Variants in POLR1D observed in about 807,000 individuals in gnomAD.
POLR1D encodes DNA-directed RNA polymerases I and III subunit RPAC2.
POLR1D carries 8 observed loss-of-function variants against 10.8 expected under a neutral mutation model. The ratio of observed to expected loss-of-function variants is 0.74; its 90% CI spans 0.43 to 1.33. POLR1D has a LOEUF of 1.33. Ranked by LOEUF, POLR1D falls within the 40% of genes most tolerant of loss-of-function variation. The pLI, the probability that POLR1D is intolerant of heterozygous loss-of-function variation, is 0.01. For missense variants in POLR1D, 152 were observed against 161.7 expected, an observed-to-expected ratio of 0.94 and a Z score of 0.32; for synonymous variants, 54 against 57.2, an observed-to-expected ratio of 0.94 and a Z score of 0.25.
At chr13:27,650,371 G>A in intron 2 of POLR1D, 1 of 266,974 alleles carries the variant, frequency 3.7e-6, no homozygotes, top group African/African-American at 2.2e-5. Context: ...ACATAGGTTT[G>A]ATTGATGGAT....
At chr13:27,621,161 TGAG>T (rs1955909037), upstream of POLR1D, 1 of 152,072 alleles carries the variant, frequency 6.6e-6, no homozygotes, top group Non-Finnish European at 1.5e-5. Context: ...GTTCCGCAGG[TGAG>T]GAGGTTTGAG....
At chr13:27,642,380 C>T (rs1049830170) in intron 1 of POLR1D, among the ~76,000 whole-genome samples, 2 of 152,148 alleles carry the variant, frequency 1.3e-5, no homozygotes, top group Admixed American at 1.3e-4. Context: ...TGCTGTTGTG[C>T]CCCTGTTTGT....
chr13:27,639,864 T>C (rs1394482554), intron 1 of POLR1D, among the ~76,000 whole-genome samples: 1 of 152,110 alleles, frequency 6.6e-6, no homozygotes, highest in African/African-American at 2.4e-5. Flanking sequence ...ATATTGCTGC[T>C]CTCCTTGCCC....
chr13:27,633,459 A>C (rs1017222995), intron 1 of POLR1D, among the ~76,000 whole-genome samples: 4 of 152,196 alleles, frequency 2.6e-5, no homozygotes, highest in African/African-American at 9.6e-5. Flanking sequence ...GGATTGCTTA[A>C]GTTTTATTTT....
chr13:27,626,832 C>T (rs1956015142), downstream of POLR1D, among the ~76,000 whole-genome samples: 1 of 152,192 alleles, frequency 6.6e-6, no homozygotes, highest in African/African-American at 2.4e-5. Context: ...TTACAAATTG[C>T]ATATAGCTGT....
At chr13:27,644,591 C>G (rs1956202927) in intron 1 of POLR1D, among the ~76,000 whole-genome samples, 1 of 152,184 alleles carries the variant, frequency 6.6e-6, no homozygotes. Flanking sequence ...CTTAATGACT[C>G]AGCTCTCTTG....
chr13:27,650,062 C>G (rs747115559), intron 2 of POLR1D: 1 of 398,438 alleles, frequency 2.5e-6, no homozygotes, highest in Non-Finnish European at 4.4e-6. Flanking sequence ...GGACAAGATA[C>G]AAACTAAAAT....
intron 1 of POLR1D, among the ~76,000 whole-genome samples, chr13:27,639,660 A>C (rs1473863887): frequency 6.6e-6 from 1 of 152,224 alleles, no homozygotes; most frequent in Non-Finnish European, 1.5e-5. Context: ...CTGAGAAATA[A>C]GTTTTCCCTG....
chr13:27,627,974 T>G (rs1006323463), downstream of POLR1D, among the ~76,000 whole-genome samples: 3 of 152,138 alleles, frequency 2.0e-5, no homozygotes, highest in Non-Finnish European at 4.4e-5. Context: ...AAAGGCCCCA[T>G]ATCCAGGTTC....
exon 3 of POLR1D, chr13:27,665,759 AAAG>A: frequency 6.2e-7 from 1 of 1,613,712 alleles, no homozygotes; most frequent in Middle Eastern, 1.7e-4. Flanking sequence ...GCCCTCTCAT[AAAG>A]AGCAAGACCA....
intron 1 of POLR1D, among the ~76,000 whole-genome samples, chr13:27,636,066 C>G (rs765468587): frequency 4.6e-5 from 7 of 152,184 alleles, no homozygotes; most frequent in Non-Finnish European, 1.0e-4. Context: ...GTAAGAAATT[C>G]TGCTCTGAAG....
chr13:27,620,861 A>G (rs1244924863), upstream of POLR1D: 5 of 148,786 alleles, frequency 3.4e-5, no homozygotes, highest in African/African-American at 4.9e-5. Context: ...CGCCGCCAAG[A>G]GTGGCACAGC....
chr13:27,647,048 G>A (rs1048842274), intron 1 of POLR1D, among the ~76,000 whole-genome samples: 4 of 151,986 alleles, frequency 2.6e-5, no homozygotes, highest in Non-Finnish European at 4.4e-5. Flanking sequence ...TTATAGTTCT[G>A]TCTTTGGACT....
intron 1 of POLR1D, among the ~76,000 whole-genome samples, chr13:27,629,323 TTTC>T (rs1956049845): frequency 1.3e-5 from 2 of 152,184 alleles, no homozygotes; most frequent in Non-Finnish European, 2.9e-5. Flanking sequence ...TGTGCCTGAG[TTTC>T]TTCTTCTGCA....
chr13:27,656,822 T>TA (rs11408115), intron 2 of POLR1D, among the ~76,000 whole-genome samples: 109,388 of 152,020 alleles, frequency 0.72, 40,283 homozygotes, highest in East Asian at 0.91. Context: ...ATTTTGATAG[T>TA]AAAAAAAGGG....
chr13:27,648,343 T>C (rs776017494), intron 1 of POLR1D: 1 of 1,286,278 alleles, frequency 7.8e-7, no homozygotes, highest in African/African-American at 1.5e-5. Context: ...CTTAGTAGGG[T>C]GACTGCCTCT....
downstream of POLR1D, among the ~76,000 whole-genome samples, chr13:27,626,482 C>T (rs1428490920): frequency 1.3e-5 from 2 of 152,140 alleles, no homozygotes; most frequent in Admixed American, 1.3e-4. Flanking sequence ...GAGAAGGGGG[C>T]AGGCAGGTTA....
At chr13:27,631,707 T>C (rs1035418285) in intron 1 of POLR1D, among the ~76,000 whole-genome samples, 2 of 152,244 alleles carry the variant, frequency 1.3e-5, no homozygotes, top group African/African-American at 2.4e-5. Flanking sequence ...GCTTTGTCCT[T>C]GTTCGCTTCT....
chr13:27,659,033 T>G (rs1279413939), intron 2 of POLR1D, among the ~76,000 whole-genome samples: 3 of 152,230 alleles, frequency 2.0e-5, no homozygotes, highest in Admixed American at 2.0e-4. Context: ...GAATGACTTT[T>G]TTTTATGCTT....
Sources: allele counts gnomAD v4.1 joint callset (sites outside exome capture counted in the v4.1 genomes callset), GRCh38; gene constraint gnomAD v4.1.1; transcripts MANE v1.5; gene names NCBI Gene and HGNC (gene_info 2026-07-23, HGNC 2026-07-21).